ANO10: variants seen among roughly 807,000 people sequenced by gnomAD.
ANO10 encodes the protein anoctamin 10.
A neutral mutation model predicts 74.7 loss-of-function variants in ANO10; 77 were observed. The ratio of observed to expected loss-of-function variants is 1.03; its 90% CI spans 0.86 to 1.25. The LOEUF is 1.25. Ranked by LOEUF, ANO10 falls within the 50% of genes most tolerant of loss-of-function variation. The pLI is 0.00. For synonymous variants in ANO10, 279 were observed against 284.9 expected, an observed-to-expected ratio of 0.98 and a Z score of 0.21; for missense variants, 721 against 778.1, an observed-to-expected ratio of 0.93 and a Z score of 0.87.
intron 11 of ANO10, among the ~76,000 whole-genome samples, chr3:43,463,545 G>T (rs898226459): frequency 6.6e-6 from 1 of 152,190 alleles, no homozygotes; most frequent in African/African-American, 2.4e-5. Flanking sequence ...AGATTTTACT[G>T]CCCTGCTGGA....
chr3:43,456,509 G>T (rs184610245), intron 11 of ANO10, among the ~76,000 whole-genome samples: 1 of 152,270 alleles, frequency 6.6e-6, no homozygotes, highest in African/African-American at 2.4e-5. Flanking sequence ...AAACTTTGGT[G>T]TATTCAGAAG....
chr3:43,631,878 T>C (rs1575571398), intron 1 of ANO10, among the ~76,000 whole-genome samples: 1 of 146,800 alleles, frequency 6.8e-6, no homozygotes, highest in Non-Finnish European at 1.5e-5. Flanking sequence ...AGGTCAGGAG[T>C]TCAAGACCAG....
intron 12 of ANO10, among the ~76,000 whole-genome samples, chr3:43,403,152 A>G (rs982596039): frequency 6.6e-6 from 1 of 152,230 alleles, no homozygotes; most frequent in Non-Finnish European, 1.5e-5. Flanking sequence ...TGAGTGCTCA[A>G]TGCAGGTAGA....
chr3:43,652,135 T>G (rs965360889), intron 1 of ANO10, among the ~76,000 whole-genome samples: 1 of 151,046 alleles, frequency 6.6e-6, no homozygotes, highest in African/African-American at 2.4e-5. Context: ...TTTTCAGAAA[T>G]TGATAAGCTG....
chr3:43,566,428 A>G (rs1399128977), intron 7 of ANO10, among the ~76,000 whole-genome samples: 1 of 152,230 alleles, frequency 6.6e-6, no homozygotes, highest in Non-Finnish European at 1.5e-5. Context: ...GCAGACTTAA[A>G]TATCCCTGTC....
intron 1 of ANO10, among the ~76,000 whole-genome samples, chr3:43,675,571 C>G (rs758488221): frequency 6.6e-6 from 1 of 151,760 alleles, no homozygotes; most frequent in Non-Finnish European, 1.5e-5. Flanking sequence ...TGAATTGATA[C>G]CTCATTTTGA....
At chr3:43,474,078 C>A (rs1482886260) in intron 11 of ANO10, among the ~76,000 whole-genome samples, 1 of 152,084 alleles carries the variant, frequency 6.6e-6, no homozygotes, top group African/African-American at 2.4e-5. Context: ...ATAACAGAGG[C>A]CTTTTTGGTT....
At chr3:43,631,603 G>T (rs1426819089) in intron 1 of ANO10, among the ~76,000 whole-genome samples, 1 of 151,594 alleles carries the variant, frequency 6.6e-6, no homozygotes, top group Non-Finnish European at 1.5e-5. Context: ...TCTGAGATTT[G>T]TTTAAAAATA....
chr3:43,533,521 T>G (rs1270278389), intron 11 of ANO10, among the ~76,000 whole-genome samples: 2 of 152,170 alleles, frequency 1.3e-5, no homozygotes. Flanking sequence ...TTAGTAACAG[T>G]AAAGAAATTC....
At chr3:43,375,957 T>C (rs1461768459) in intron 12 of ANO10, among the ~76,000 whole-genome samples, 4 of 152,252 alleles carry the variant, frequency 2.6e-5, no homozygotes, top group African/African-American at 9.6e-5. Context: ...ATCCAACTTA[T>C]TACCAACTGC....
chr3:43,517,332 T>G (rs1361834524), intron 11 of ANO10, among the ~76,000 whole-genome samples: 1 of 152,116 alleles, frequency 6.6e-6, no homozygotes. Context: ...CTATCTGAGG[T>G]GAAGGACCAA....
At chr3:43,369,995 A>T (rs1222234686) in intron 12 of ANO10, among the ~76,000 whole-genome samples, 1 of 152,200 alleles carries the variant, frequency 6.6e-6, no homozygotes, top group Non-Finnish European at 1.5e-5. Context: ...GGCTTCTCTT[A>T]GGTAAACCAA....
chr3:43,387,183 G>A (rs2092146073), intron 12 of ANO10, among the ~76,000 whole-genome samples: 1 of 152,140 alleles, frequency 6.6e-6, no homozygotes, highest in Non-Finnish European at 1.5e-5. Context: ...GCACGTTACT[G>A]TACTGAACAC....
chr3:43,632,319 T>C (rs897330311), intron 1 of ANO10, among the ~76,000 whole-genome samples: 2 of 152,202 alleles, frequency 1.3e-5, no homozygotes, highest in Non-Finnish European at 2.9e-5. Context: ...ATGGGAGCAC[T>C]GGCAGGAGAC....
chr3:43,385,735 C>T (rs1375695524), intron 12 of ANO10, among the ~76,000 whole-genome samples: 2 of 129,538 alleles, frequency 1.5e-5, no homozygotes, highest in Non-Finnish European at 3.1e-5. Context: ...GTAAGAATGA[C>T]TTTGGGGACA....
At chr3:43,408,379 T>G (rs1027698938) in intron 12 of ANO10, among the ~76,000 whole-genome samples, 2 of 152,250 alleles carry the variant, frequency 1.3e-5, no homozygotes, top group Admixed American at 6.5e-5. Context: ...TCTGAAATTT[T>G]TAAAGTACCA....
At chr3:43,519,912 G>A (rs1403532482) in intron 11 of ANO10, among the ~76,000 whole-genome samples, 1 of 152,106 alleles carries the variant, frequency 6.6e-6, no homozygotes, top group African/African-American at 2.4e-5. Context: ...GCTTAATGAG[G>A]GAGAGCTAAT....
intron 11 of ANO10, among the ~76,000 whole-genome samples, chr3:43,539,660 C>T (rs915499329): frequency 7.2e-5 from 11 of 152,158 alleles, no homozygotes; most frequent in African/African-American, 2.7e-4. Context: ...TAACCCAAAT[C>T]AGTTTTTTGT....
At chr3:43,446,300 C>T (rs1575833603) in intron 11 of ANO10, among the ~76,000 whole-genome samples, 1 of 152,202 alleles carries the variant, frequency 6.6e-6, no homozygotes, top group Admixed American at 6.5e-5. Flanking sequence ...TTAATGTAAC[C>T]TTTGATATCT....
Sources: gnomAD v4.1 joint callset for allele counts (sites outside exome capture counted in the v4.1 genomes callset) on GRCh38, gnomAD v4.1.1 for gene constraint, MANE v1.5 for transcripts, NCBI Gene and HGNC (gene_info 2026-07-23, HGNC 2026-07-21) for gene names.